The following RDX variants were observed in gnomAD, a reference collection of about 807,000 sequenced individuals.
RDX encodes the protein radixin, also known as deafness, autosomal recessive 24.
A neutral mutation model predicts 83.7 loss-of-function variants in RDX; 32 were observed. That is an observed-to-expected ratio of 0.38 (90% CI 0.29 to 0.51). RDX has a LOEUF of 0.51. Among genes scored for constraint, RDX ranks in the 20% least tolerant of loss-of-function variants. The probability of loss-of-function intolerance (pLI) is 0.87; values close to 1 mark genes in which losing one functional copy is unlikely to be tolerated. For missense variants in RDX, 600 were observed against 689.9 expected, an observed-to-expected ratio of 0.87 and a Z score of 1.46; for synonymous variants, 229 against 222.7, an observed-to-expected ratio of 1.03 and a Z score of -0.25.
chr11:110,292,892 T>A (rs543096599), intron 1 of RDX, among the ~76,000 whole-genome samples: 1 of 152,304 alleles, frequency 6.6e-6, no homozygotes, highest in East Asian at 1.9e-4. Context: ...CCACACCAAA[T>A]TATAAACCTC....
At chr11:110,216,125 G>A (rs1480418270) in intron 14 of RDX, among the ~76,000 whole-genome samples, 1 of 152,134 alleles carries the variant, frequency 6.6e-6, no homozygotes, top group Non-Finnish European at 1.5e-5. Context: ...TTCTCACCAT[G>A]GCTTAGGAAG....
intron 13 of RDX, 22 bp from the exon 14 acceptor site, chr11:110,232,055 C>T: frequency 6.3e-7 from 1 of 1,574,858 alleles, no homozygotes. Context: ...ATAAAAAGTA[C>T]AACTATTATT....
intron 9 of RDX, among the ~76,000 whole-genome samples, chr11:110,253,517 T>A (rs999611078): frequency 2.6e-4 from 39 of 152,188 alleles, no homozygotes; most frequent in Admixed American, 2.6e-4. Context: ...GATTAGGGTC[T>A]TTGGCAGGGA....
chr11:110,220,899 A>AAG (rs10669319), intron 14 of RDX, among the ~76,000 whole-genome samples: 5 of 150,818 alleles, frequency 3.3e-5, no homozygotes, highest in African/African-American at 1.2e-4. Flanking sequence ...AAAAAAAAAA[A>AAG]GTTTGTTGAA....
At chr11:110,274,727 A>C (rs558626842) in intron 2 of RDX, among the ~76,000 whole-genome samples, 1 of 152,242 alleles carries the variant, frequency 6.6e-6, no homozygotes, top group South Asian at 2.1e-4. Flanking sequence ...ATTTTTCACC[A>C]TATGTTTCTA....
At chr11:110,274,460 T>G (rs1233857047) in intron 2 of RDX, among the ~76,000 whole-genome samples, 1 of 152,218 alleles carries the variant, frequency 6.6e-6, no homozygotes, top group Non-Finnish European at 1.5e-5. Context: ...TCTTTCTTGA[T>G]GTGGGCAATG....
intron 10 of RDX, among the ~76,000 whole-genome samples, chr11:110,246,717 T>A (rs1330863759): frequency 7.1e-6 from 1 of 141,788 alleles, no homozygotes; most frequent in African/African-American, 2.7e-5. Context: ...GCCACTGTAC[T>A]CCAGCACAGA....
downstream of RDX, among the ~76,000 whole-genome samples, chr11:110,228,232 C>T (rs1022471719): frequency 1.3e-5 from 2 of 151,938 alleles, no homozygotes; most frequent in African/African-American, 2.4e-5. Context: ...TAGTTACTAC[C>T]GTAGACTGTG....
intron 1 of RDX, among the ~76,000 whole-genome samples, chr11:110,292,705 G>C (rs1591193473): frequency 1.3e-5 from 2 of 150,588 alleles, no homozygotes; most frequent in Middle Eastern, 6.8e-3. Context: ...CTACAACTCA[G>C]AAGAAAACAG....
At chr11:110,209,331 G>C (rs1863731263) in intron 14 of RDX, among the ~76,000 whole-genome samples, 1 of 152,038 alleles carries the variant, frequency 6.6e-6, no homozygotes, top group Non-Finnish European at 1.5e-5. Context: ...CTGGCTCGGA[G>C]GGTCCTACGC....
At chr11:110,289,639 G>T (rs1027581851) in intron 1 of RDX, among the ~76,000 whole-genome samples, 1 of 152,046 alleles carries the variant, frequency 6.6e-6, no homozygotes, top group African/African-American at 2.4e-5. Context: ...TATGTTGACT[G>T]GGGGCGGTGG....
At chr11:110,213,890 G>C (rs1410636175) in intron 14 of RDX, among the ~76,000 whole-genome samples, 1 of 92,618 alleles carries the variant, frequency 1.1e-5, no homozygotes, top group Non-Finnish European at 2.2e-5. Context: ...AAAAACTCTA[G>C]AAGAAAACCT....
intron 14 of RDX, among the ~76,000 whole-genome samples, chr11:110,215,011 TA>T (rs967407530): frequency 1.0e-5 from 1 of 99,686 alleles, no homozygotes; most frequent in Non-Finnish European, 2.1e-5. Flanking sequence ...ATGAAAAAAA[TA>T]AAAAAAACAT....
intron 14 of RDX, among the ~76,000 whole-genome samples, chr11:110,205,420 G>A (rs552151962): frequency 4.8e-5 from 3 of 62,254 alleles, no homozygotes; most frequent in South Asian, 5.4e-4. Flanking sequence ...ATTGTAAAAC[G>A]TTTACCTATC....
rs58146009 is a variant in RDX at position 110,289,956 on chromosome 11, CAAAA to C, written c.-65+6507_-65+6510del. Reference sequence around the variant, plus strand: ...CCTGGGTGACAAAGTGAGACTGTCTCAAAAAAAAAAAAAAAAAAAAAAAAAACAA... The same window carrying C: ...CCTGGGTGACAAAGTGAGACTGTCTCAAAAAAAAAAAAAAAAAAAAAACAA... On this transcript the variant is annotated intron_variant, in intron 1 of 13. Coordinates refer to ENST00000645495, the MANE Select transcript of RDX (RefSeq NM_002906.4). Among the ~76,000 whole-genome samples the C allele has an allele frequency of 6.9e-3, 246 of 35,474 alleles. 1 individual carries two copies. Among genetic ancestry groups the C allele is most frequent in the African/African-American group, 0.022 (174 of 7,882 alleles). 23.3% of individuals were successfully genotyped at this position (35,474 alleles called of 152,430 possible). A position where few individuals can be genotyped will look rare whatever the true frequency, so the allele number is the denominator to read the frequency against.
At chr11:110,198,176 G>A (rs186018383) in intron 15 of RDX, among the ~76,000 whole-genome samples, 1 of 152,040 alleles carries the variant, frequency 6.6e-6, no homozygotes, top group Admixed American at 6.5e-5. Context: ...AGGAGGTTTA[G>A]AGAACTTTGG....
At chr11:110,247,872 C>T (rs962487416) in intron 9 of RDX, 39 bp from the exon 10 acceptor site, 1 of 1,532,954 alleles carries the variant, frequency 6.5e-7, no homozygotes, top group South Asian at 1.2e-5. Context: ...AATTAATACA[C>T]AAAAATATTA....
intron 7 of RDX, among the ~76,000 whole-genome samples, chr11:110,255,670 G>A (rs1486040991): frequency 6.6e-6 from 1 of 151,664 alleles, no homozygotes; most frequent in Admixed American, 6.6e-5. Flanking sequence ...GTGTAGAACT[G>A]AGCCTCCTGG....
chr11:110,268,311 G>GA lies in RDX; in HGVS notation c.97-3438_97-3437insT, dbSNP rs1218065501. Among the ~76,000 whole-genome samples the GA allele has an allele frequency of 5.3e-3, 694 of 131,792 alleles. 7 individuals are homozygous for GA. Among genetic ancestry groups the GA allele is most frequent in the East Asian group, 0.03 (131 of 4,408 alleles). The allele number at this position is 131,792 out of a possible 152,430, so 86.5% of individuals were successfully genotyped here. A position where few individuals can be genotyped will look rare whatever the true frequency, so the allele number is the denominator to read the frequency against. ...GTGACAGAGTAAGACTCTGTTTCGG[G>GA]GAAAAAAAAAAAAAAAAGCAAAAAG... On this transcript the variant is annotated intron_variant, in intron 3 of 13. Transcript: ENST00000645495.
Sources: gnomAD v4.1 joint callset for allele counts (sites outside exome capture counted in the v4.1 genomes callset) on GRCh38, gnomAD v4.1.1 for gene constraint, MANE v1.5 for transcripts, NCBI Gene and HGNC (gene_info 2026-07-23, HGNC 2026-07-21) for gene names.